The following USP32 variants were observed in gnomAD, a reference collection of about 807,000 sequenced individuals.
USP32 encodes the protein ubiquitin specific peptidase 32, also known as ubiquitin carboxyl-terminal hydrolase 32.
USP32 carries 59 observed loss-of-function variants against 204.8 expected under a neutral mutation model. The observed-to-expected ratio is 0.29, with a 90% CI of 0.23 to 0.36. The LOEUF (loss-of-function observed/expected upper bound fraction) is 0.36, where lower values mean the gene tolerates loss of function less well. Ranked by LOEUF, USP32 falls within the 10% of genes least tolerant of loss-of-function variation. The probability of loss-of-function intolerance (pLI) is 1.00; values close to 1 mark genes in which losing one functional copy is unlikely to be tolerated. For missense variants in USP32, 1,160 were observed against 1,946.4 expected, an observed-to-expected ratio of 0.60 and a Z score of 7.60; for synonymous variants, 517 against 678.4, an observed-to-expected ratio of 0.76 and a Z score of 3.70.
chr17:60,326,450 A>C (rs2145953882), intron 2 of USP32, among the ~76,000 whole-genome samples: 1 of 152,178 alleles, frequency 6.6e-6, no homozygotes, highest in African/African-American at 2.4e-5. Flanking sequence ...AGCTGGGATT[A>C]CAGGCACCGA....
At chr17:60,263,445 A>G (rs749020060) in intron 9 of USP32, among the ~76,000 whole-genome samples, 10 of 152,236 alleles carry the variant, frequency 6.6e-5, no homozygotes, top group Non-Finnish European at 4.4e-5. Context: ...ACCAGCGAAT[A>G]TGGTTAATAG....
chr17:60,313,096 C>CA (rs1284365292), intron 2 of USP32, among the ~76,000 whole-genome samples: 1 of 151,940 alleles, frequency 6.6e-6, no homozygotes, highest in African/African-American at 2.4e-5. Context: ...ACTAAAAATA[C>CA]AAAAATTAGC....
At chr17:60,218,806 GC>G (rs2085170060) in intron 16 of USP32, among the ~76,000 whole-genome samples, 1 of 152,162 alleles carries the variant, frequency 6.6e-6, no homozygotes, top group African/African-American at 2.4e-5. Context: ...TGTTGGCCAG[GC>G]TGGTCTTGAA....
At chr17:60,272,040 C>T (rs1452324933) in intron 5 of USP32, among the ~76,000 whole-genome samples, 2 of 152,174 alleles carry the variant, frequency 1.3e-5, no homozygotes, top group African/African-American at 4.8e-5. Flanking sequence ...GTCCCAAACT[C>T]CTGGTCTCAA....
intron 1 of USP32, among the ~76,000 whole-genome samples, chr17:60,377,022 G>A (rs1162151169): frequency 1.3e-5 from 2 of 152,068 alleles, no homozygotes; most frequent in Non-Finnish European, 1.5e-5. Flanking sequence ...ATATCCAAAG[G>A]GCTACATTTG....
intron 11 of USP32, among the ~76,000 whole-genome samples, chr17:60,244,760 T>C (rs1598131334): frequency 1.3e-5 from 2 of 152,178 alleles, no homozygotes; most frequent in African/African-American, 4.8e-5. Context: ...GCCTCATGAA[T>C]AGATAGGGTT....
At position 60,183,363 on chromosome 17, in the gene USP32, T is replaced by C. The variant is rs776536226; in HGVS notation, c.3925A>G (p.Ser1309Gly). Reference sequence around the variant, plus strand: ...GGGTCTCTTGGTACCAAAAAAGCACTTGGATCAAAACTTTCCCGAGGAAAT... The same window carrying C: ...GGGTCTCTTGGTACCAAAAAAGCACCTGGATCAAAACTTTCCCGAGGAAAT... ...VKFPRESFDP[S>G]AFLVPRDPAL... is the part of the protein sequence containing the mutation. Residue 1309 changes from serine to glycine, a missense_variant, in exon 31 of 34, where the codon AGT (serine) becomes GGT (glycine). Ser to Gly is a moderately conservative substitution (Grantham distance 56, BLOSUM62 0). Coordinates refer to ENST00000300896, the MANE Select transcript of USP32 (RefSeq NM_032582.4). 2 of 1,613,946 alleles carry C rather than the reference T, an allele frequency of 1.2e-6. No individual in the cohort carries two copies. The highest frequency in any genetic ancestry group is 8.5e-7 in the Non-Finnish European group (1 of 1,179,850).
chr17:60,241,923 A>AT (rs1416120737), intron 11 of USP32, among the ~76,000 whole-genome samples: 2 of 152,080 alleles, frequency 1.3e-5, no homozygotes, highest in African/African-American at 2.4e-5. Flanking sequence ...TTTTGGTGTT[A>AT]TATCTATGAA....
Position 60,179,015 on chromosome 17 carries a change from C to T in USP32, c.*240G>A, listed in dbSNP as rs1347204122. 2 of 415,254 alleles carry T rather than the reference C, an allele frequency of 4.8e-6. No individual in the cohort carries two copies. Among genetic ancestry groups the T allele is most frequent in the Non-Finnish European group, 8.5e-6 (2 of 235,166 alleles). The allele number at this position is 415,254 out of a possible 1,614,324, so 25.7% of individuals were successfully genotyped here. ...TGGCTGGTGCCAAACCTTTTGTTTA[C>T]AGGCTAATGGTGGGATCTGCCTGAA... On this transcript the variant is annotated 3_prime_UTR_variant, in exon 34 of 34. Transcript: ENST00000300896.
intron 21 of USP32, among the ~76,000 whole-genome samples, chr17:60,210,139 C>A (rs1026804039): frequency 6.6e-6 from 1 of 151,722 alleles, no homozygotes; most frequent in Non-Finnish European, 1.5e-5. Flanking sequence ...TAGTGCCTGG[C>A]AAGAGGTAAG....
intron 2 of USP32, among the ~76,000 whole-genome samples, chr17:60,325,512 T>C (rs1007971443): frequency 2.0e-5 from 3 of 152,230 alleles, no homozygotes; most frequent in East Asian, 3.8e-4. Context: ...TAAATAACAC[T>C]GATTTAACCA....
chr17:60,350,699 TC>T (rs59241841), intron 1 of USP32, among the ~76,000 whole-genome samples: 3,193 of 152,212 alleles, frequency 0.021, 133 homozygotes, highest in African/African-American at 0.073. Flanking sequence ...CTTCTCTCTC[TC>T]CCTCTATCCC....
chr17:60,342,772 CT>C (rs1348757395), intron 2 of USP32, among the ~76,000 whole-genome samples: 1 of 152,196 alleles, frequency 6.6e-6, no homozygotes, highest in Non-Finnish European at 1.5e-5. Flanking sequence ...TTGCTAAGAC[CT>C]TGGGGAAAGT....
At chr17:60,349,614 TA>T (rs1472626863) in intron 1 of USP32, among the ~76,000 whole-genome samples, 2 of 69,870 alleles carry the variant, frequency 2.9e-5, no homozygotes, top group African/African-American at 1.2e-4. Context: ...TATATATATA[TA>T]TATATATATT....
At chr17:60,193,810 T>C (rs1373906082) in intron 27 of USP32, among the ~76,000 whole-genome samples, 1 of 152,222 alleles carries the variant, frequency 6.6e-6, no homozygotes, top group Non-Finnish European at 1.5e-5. Context: ...GGAGTTCCCA[T>C]CTTTCTGCAT....
intron 1 of USP32, among the ~76,000 whole-genome samples, chr17:60,373,439 T>C (rs2089481183): frequency 6.9e-6 from 1 of 144,372 alleles, no homozygotes; most frequent in Non-Finnish European, 1.5e-5. Flanking sequence ...TTTAGCTTAC[T>C]GTAATTTTTT....
intron 33 of USP32, 44 bp downstream of exon 33, chr17:60,180,501 G>C: frequency 3.2e-6 from 5 of 1,582,406 alleles, no homozygotes; most frequent in Non-Finnish European, 4.3e-6. Flanking sequence ...CAGTTCTGTT[G>C]ATATTCTGTT....
At chr17:60,378,774 G>C (rs1356027958) in intron 1 of USP32, among the ~76,000 whole-genome samples, 1 of 151,884 alleles carries the variant, frequency 6.6e-6, no homozygotes, top group Non-Finnish European at 1.5e-5. Flanking sequence ...ACCAGGGGCT[G>C]GGGAAAAAAA....
At chr17:60,216,234 C>T (rs2085097946) in intron 16 of USP32, among the ~76,000 whole-genome samples, 2 of 149,940 alleles carry the variant, frequency 1.3e-5, no homozygotes, top group African/African-American at 4.9e-5. Context: ...TCACTACATA[C>T]TTCAAAAGAG....
Sources: allele counts gnomAD v4.1 joint callset (sites outside exome capture counted in the v4.1 genomes callset), GRCh38; gene constraint gnomAD v4.1.1; transcripts MANE v1.5; gene names NCBI Gene and HGNC (gene_info 2026-07-23, HGNC 2026-07-21).